PDLIM5: variants seen among roughly 807,000 people sequenced by gnomAD.
PDLIM5 encodes the protein PDZ and LIM domain 5.
PDLIM5 carries 34 observed loss-of-function variants against 64.2 expected under a neutral mutation model. The ratio of observed to expected loss-of-function variants is 0.53; its 90% CI spans 0.40 to 0.71. The LOEUF is 0.71. Ranked by LOEUF, PDLIM5 falls within the 30% of genes least tolerant of loss-of-function variation. The pLI, the probability that PDLIM5 is intolerant of heterozygous loss-of-function variation, is 0.00. For synonymous variants in PDLIM5, 253 were observed against 269.1 expected, an observed-to-expected ratio of 0.94 and a Z score of 0.59; for missense variants, 683 against 733.6, an observed-to-expected ratio of 0.93 and a Z score of 0.80.
chr4:94,508,547 T>A (rs141081079), intron 2 of PDLIM5, among the ~76,000 whole-genome samples: 3 of 152,294 alleles, frequency 2.0e-5, no homozygotes, highest in Non-Finnish European at 4.4e-5. Flanking sequence ...GAAGACTTTC[T>A]CATCTTCTCT....
intron 2 of PDLIM5, among the ~76,000 whole-genome samples, chr4:94,481,352 C>T (rs1338873094): frequency 6.2e-5 from 9 of 146,058 alleles, no homozygotes; most frequent in South Asian, 2.2e-4. Flanking sequence ...TGCAGTGGTG[C>T]GATCTCAGCT....
rs1027142429 is a variant in PDLIM5, at chr4:94,664,930, G to A, written c.*863G>A. The A allele has an allele frequency of 2.2e-5, 22 of 981,896 alleles. No homozygotes were observed. In the African/African-American group the frequency reaches 3.0e-4, roughly 13 times the overall value. 60.8% of individuals were successfully genotyped at this position (981,896 alleles called of 1,614,324 possible). A position where few individuals can be genotyped will look rare whatever the true frequency, so the allele number is the denominator to read the frequency against. On this transcript the variant is annotated 3_prime_UTR_variant, in exon 13 of 13. Transcript: ENST00000317968. ...TACAGTGGATCATTCTAGTAGGAAAGGACAATAAGATTTTTTATCAAAATG... is the reference window on the plus strand; with the variant it reads ...TACAGTGGATCATTCTAGTAGGAAAAGACAATAAGATTTTTTATCAAAATG...
At chr4:94,486,691 A>G (rs934942231) in intron 2 of PDLIM5, among the ~76,000 whole-genome samples, 1 of 152,052 alleles carries the variant, frequency 6.6e-6, no homozygotes, top group Non-Finnish European at 1.5e-5. Flanking sequence ...ATTTCTTGCT[A>G]CCATATGTGA....
Position 94,579,568 on chromosome 4 carries a change from T to C in PDLIM5, c.710+3534T>C, listed in dbSNP as rs757258160. On this transcript the variant is annotated intron_variant, in intron 5 of 12. Transcript: ENST00000317968. ...TATCCACATTACTGGAGAGGAAATA[T>C]GGTGATTTATATATGAGTAAACAGC... 4 of 1,287,244 alleles carry C rather than the reference T, an allele frequency of 3.1e-6. No individual in the cohort carries two copies. In the East Asian group the frequency reaches 7.6e-5, roughly 24 times the overall value. The allele number at this position is 1,287,244 out of a possible 1,614,324, so 79.7% of individuals were successfully genotyped here.
intron 10 of PDLIM5, among the ~76,000 whole-genome samples, chr4:94,655,146 A>C (rs1742113475): frequency 6.6e-6 from 1 of 152,220 alleles, no homozygotes; most frequent in Non-Finnish European, 1.5e-5. Context: ...TACAGTGTTT[A>C]AAAATATAAC....
rs189586543 is a variant in PDLIM5, at chr4:94,454,870, G to T, written c.-42-377G>T. Among the ~76,000 whole-genome samples, 340 of 152,296 alleles carry T rather than the reference G, an allele frequency of 2.2e-3. 2 individuals are homozygous for T. Among genetic ancestry groups the T allele is most frequent in the African/African-American group, 7.8e-3 (325 of 41,564 alleles). ...GTCAATTGCAGACAAAAGAATACAT[G>T]AAGTGGAGGGAAGGAGAAAATTATT... is the stretch of plus-strand genomic sequence containing the variant. On this transcript the variant is annotated intron_variant, in intron 1 of 12. Transcript: ENST00000317968.
intron 3 of PDLIM5, among the ~76,000 whole-genome samples, chr4:94,557,974 T>C (rs1203211273): frequency 6.6e-6 from 1 of 152,228 alleles, no homozygotes; most frequent in African/African-American, 2.4e-5. Context: ...GGGGCATCCC[T>C]GTCTTGTGCC....
chr4:94,463,774 G>A (rs957617712), intron 2 of PDLIM5, among the ~76,000 whole-genome samples: 4 of 152,234 alleles, frequency 2.6e-5, no homozygotes, highest in Non-Finnish European at 4.4e-5. Context: ...CCTTTTAAAT[G>A]ATGTGACAAG....
At chr4:94,559,427 G>A (rs941560248) in intron 3 of PDLIM5, among the ~76,000 whole-genome samples, 7 of 152,148 alleles carry the variant, frequency 4.6e-5, no homozygotes, top group Admixed American at 1.3e-4. Flanking sequence ...TAGAACTCAC[G>A]TAAGGCAGAG....
At chr4:94,514,157 C>T (rs1423025297) in intron 2 of PDLIM5, among the ~76,000 whole-genome samples, 12 of 128,780 alleles carry the variant, frequency 9.3e-5, no homozygotes, top group Admixed American at 5.2e-4. Flanking sequence ...TTTTTTGAGA[C>T]GGAGTCTTAC....
intron 2 of PDLIM5, among the ~76,000 whole-genome samples, chr4:94,458,696 C>T (rs1723596446): frequency 6.6e-6 from 1 of 152,174 alleles, no homozygotes; most frequent in Admixed American, 6.6e-5. Flanking sequence ...AGATAAGCCA[C>T]TAGCAGGGAC....
intron 1 of PDLIM5, among the ~76,000 whole-genome samples, chr4:94,452,422 C>T (rs1237447565): frequency 1.3e-5 from 2 of 152,190 alleles, no homozygotes; most frequent in Non-Finnish European, 2.9e-5. Flanking sequence ...GCGCCAGTCT[C>T]TTGGAGGGTA....
rs149366680 is a variant in PDLIM5 at position 94,525,030 on chromosome 4, A to G, written c.248+1155A>G. ...TTCTGAATTCTATCAAATTTGGAAA[A>G]CACCACTTTTTCTCCCTCCCCAATC... On this transcript the variant is annotated intron_variant, in intron 3 of 12. Transcript: ENST00000317968. Among the ~76,000 whole-genome samples the G allele has an allele frequency of 3.9e-3, 595 of 152,262 alleles. 4 individuals carry two copies. The highest frequency in any genetic ancestry group is 6.8e-3 in the Non-Finnish European group (461 of 68,014).
chr4:94,649,511 C>G (rs1210778339), intron 9 of PDLIM5, among the ~76,000 whole-genome samples: 2 of 152,154 alleles, frequency 1.3e-5, no homozygotes, highest in South Asian at 2.1e-4. Context: ...CCTTTAATAT[C>G]TAACATGCCA....
chr4:94,613,960 C>A (rs1191266328), intron 7 of PDLIM5, among the ~76,000 whole-genome samples: 1 of 124,348 alleles, frequency 8.0e-6, no homozygotes. Context: ...ACTTTTAATC[C>A]TTTTTTTTTT....
At chr4:94,467,949 C>A (rs1724520191) in intron 2 of PDLIM5, among the ~76,000 whole-genome samples, 1 of 152,182 alleles carries the variant, frequency 6.6e-6, no homozygotes, top group Non-Finnish European at 1.5e-5. Flanking sequence ...TCTTCACATC[C>A]CTTAGCATTT....
At chr4:94,616,086 G>A (rs1738762388) in intron 7 of PDLIM5, among the ~76,000 whole-genome samples, 1 of 152,080 alleles carries the variant, frequency 6.6e-6, no homozygotes, top group Admixed American at 6.6e-5. Flanking sequence ...ATTGGGTTTT[G>A]TTATTTCCAG....
At chr4:94,608,199 G>A in intron 7 of PDLIM5, 1 of 1,505,236 alleles carries the variant, frequency 6.6e-7, no homozygotes. Flanking sequence ...CCTTCTTGGT[G>A]TTTCTAAATT....
chr4:94,615,329 C>T (rs913435085), intron 7 of PDLIM5, among the ~76,000 whole-genome samples: 13 of 152,192 alleles, frequency 8.5e-5, no homozygotes, highest in East Asian at 3.9e-4. Context: ...ATGCAGTTAA[C>T]GAATGTCCTG....
Sources: allele counts gnomAD v4.1 joint callset (sites outside exome capture counted in the v4.1 genomes callset), GRCh38; gene constraint gnomAD v4.1.1; transcripts MANE v1.5; gene names NCBI Gene and HGNC (gene_info 2026-07-23, HGNC 2026-07-21).